Variants in NFATC1 observed in about 807,000 individuals in gnomAD.
NFATC1 encodes the protein nuclear factor of activated T-cells, cytoplasmic 1.
Under a neutral mutation model 76.0 loss-of-function variants are expected in NFATC1, and 22 were observed. The observed-to-expected ratio is 0.29, with a 90% CI of 0.21 to 0.41. NFATC1 has a LOEUF of 0.41. NFATC1 is among the 10% of genes least tolerant of loss of function. NFATC1 has a pLI of 1.00. For synonymous variants in NFATC1, 704 were observed against 613.1 expected (o/e 1.15, Z -2.19); for missense variants, 1,357 against 1,337.7 (o/e 1.01, Z -0.23).
At chr18:79,459,323 C>T (rs1421073758) in intron 6 of NFATC1, among the ~76,000 whole-genome samples, 1 of 152,240 alleles carries the variant, frequency 6.6e-6, no homozygotes, top group African/African-American at 2.4e-5. Flanking sequence ...AAGACGCCTC[C>T]ATGCCGTCGT....
At chr18:79,497,867 C>G (rs1397971698) in intron 9 of NFATC1, 1 of 152,026 alleles carries the variant, frequency 6.6e-6, no homozygotes, top group Non-Finnish European at 1.5e-5. Flanking sequence ...TTAAACTCTG[C>G]TAACCAGAGG....
rs565360853 is a variant in NFATC1, at chr18:79,474,806, G to A, written c.2092+7224G>A. ...GCGAGGGAAGCGTTTTCACACTGTC[G>A]ACGTAAACCTGAGGGAAGCGTGTTC... On this transcript the variant is annotated intron_variant, in intron 8 of 9. Coordinates refer to ENST00000427363, the MANE Select transcript of NFATC1 (RefSeq NM_001278669.2). 2.8e-4 allele frequency among the ~76,000 whole-genome samples: 40 copies of A among 142,084 alleles called. 2 individuals carry two copies. Among genetic ancestry groups the A allele is most frequent in the African/African-American group, 8.5e-4 (32 of 37,576 alleles). The allele number at this position is 142,084 out of a possible 152,430, so 93.2% of individuals were successfully genotyped here. A position where few individuals can be genotyped will look rare whatever the true frequency, so the allele number is the denominator to read the frequency against.
rs753115375 is a variant in NFATC1, at chr18:79,528,172, A to C, written c.*595A>C. The stretch of plus-strand genomic sequence containing the variant: ...TACACAGTGCATTTTAGAATCTTCC[A>C]GTCTGTCATCTCAGCTCTTTTGTAA... On this transcript the variant is annotated 3_prime_UTR_variant, in exon 10 of 10. Coordinates refer to ENST00000427363, the MANE Select transcript of NFATC1 (RefSeq NM_001278669.2). 4 of 380,456 alleles carry C rather than the reference A, an allele frequency of 1.1e-5. No homozygotes were observed. Among genetic ancestry groups the C allele is most frequent in the Non-Finnish European group, 1.9e-5 (4 of 215,236 alleles). The allele number at this position is 380,456 out of a possible 1,614,324, so 23.6% of individuals were successfully genotyped here. A position where few individuals can be genotyped will look rare whatever the true frequency, so the allele number is the denominator to read the frequency against.
At position 79,527,516 on chromosome 18, in the gene NFATC1, C is replaced by A. The variant is rs964538844; in HGVS notation, c.2783-12C>A. ...TTTCTCTAATACTTTCTCAATTTTT[C>A]TTTTCTTACAGTAAATGAAATAATA... On this transcript the variant is annotated splice_polypyrimidine_tract_variant and intron_variant, in intron 9 of 9. Transcript: ENST00000427363. The A allele has an allele frequency of 5.0e-6, 8 of 1,612,208 alleles. No homozygotes were observed. Among genetic ancestry groups the A allele is most frequent in the Admixed American group, 1.7e-5 (1 of 59,920 alleles).
Position 79,411,250 on chromosome 18 carries a change from G to A in NFATC1, c.975G>A (p.Leu325=). The A allele has an allele frequency of 6.2e-7, 1 of 1,603,528 alleles. No individual in the cohort carries two copies. Among genetic ancestry groups the A allele is most frequent in the Non-Finnish European group, 8.5e-7 (1 of 1,179,776 alleles). The change falls in exon 2 of 10, where the codon CTG becomes CTA. Residue 325 remains leucine, a synonymous_variant. Transcript: ENST00000427363. ...AINALTTDSS[L]DLGDGVPVKS... The stretch of plus-strand genomic sequence containing the variant: ...ACGCGCTGACCACCGACAGCAGCCT[G>A]GACCTGGGAGATGGCGTCCCTGTCA...
intron 9 of NFATC1, among the ~76,000 whole-genome samples, chr18:79,525,498 A>G (rs1261914265): frequency 3.2e-5 from 3 of 93,478 alleles, no homozygotes; most frequent in African/African-American, 1.3e-4. Context: ...AGGCCTCCCC[A>G]CGTCCCACCG....
At chr18:79,480,798 G>A (rs1282766002) in intron 8 of NFATC1, among the ~76,000 whole-genome samples, 1 of 152,236 alleles carries the variant, frequency 6.6e-6, no homozygotes, top group Non-Finnish European at 1.5e-5. Flanking sequence ...GTGGGTGAGA[G>A]TTTTTAAAGC....
intron 3 of NFATC1, among the ~76,000 whole-genome samples, chr18:79,442,691 C>T (rs748232887): frequency 5.3e-5 from 8 of 152,164 alleles, no homozygotes; most frequent in Non-Finnish European, 8.8e-5. Context: ...CACGTGCTCA[C>T]GCTGGGTCCC....
chr18:79,512,336 G>A (rs2090274661), intron 9 of NFATC1, among the ~76,000 whole-genome samples: 1 of 152,178 alleles, frequency 6.6e-6, no homozygotes, highest in South Asian at 2.1e-4. Flanking sequence ...CCTGGCACTA[G>A]GACCTCTCCC....
At chr18:79,445,590 T>A (rs571885313) in intron 3 of NFATC1, among the ~76,000 whole-genome samples, 57 of 152,318 alleles carry the variant, frequency 3.7e-4, no homozygotes, top group Non-Finnish European at 4.4e-4. Context: ...TAATCCAGCA[T>A]GGGGGGAATC....
At chr18:79,416,341 C>T (rs961171780) in intron 2 of NFATC1, among the ~76,000 whole-genome samples, 5 of 152,188 alleles carry the variant, frequency 3.3e-5, no homozygotes, top group African/African-American at 4.8e-5. Flanking sequence ...ATTCCTCCTG[C>T]GTTTGAATGC....
intron 2 of NFATC1, among the ~76,000 whole-genome samples, chr18:79,415,838 G>T (rs1460286838): frequency 1.3e-5 from 2 of 152,040 alleles, no homozygotes; most frequent in South Asian, 2.1e-4. Flanking sequence ...GAGGCAGGTG[G>T]ATCAGCTGAG....
chr18:79,498,789 G>A (rs941201121), intron 9 of NFATC1, among the ~76,000 whole-genome samples: 1 of 152,248 alleles, frequency 6.6e-6, no homozygotes, highest in Admixed American at 6.5e-5. Context: ...CAGCTTCTCA[G>A]TACGTGGGAT....
At chr18:79,412,084 GC>G (rs2085711665) in intron 2 of NFATC1, among the ~76,000 whole-genome samples, 1 of 152,244 alleles carries the variant, frequency 6.6e-6, no homozygotes, top group Non-Finnish European at 1.5e-5. Context: ...CCCCAGAGAC[GC>G]CGGCTGTGGC....
intron 9 of NFATC1, 85 bp downstream of exon 9, chr18:79,487,022 G>A (rs1026137785): frequency 7.0e-6 from 10 of 1,423,574 alleles, no homozygotes; most frequent in African/African-American, 1.4e-5. Context: ...TGCTGCGTGT[G>A]TGGCACGTGT....
chr18:79,438,301 C>T (rs1249230182), intron 3 of NFATC1, among the ~76,000 whole-genome samples: 5 of 152,354 alleles, frequency 3.3e-5, no homozygotes, highest in South Asian at 2.1e-4. Context: ...CTCCACTGCT[C>T]GTGGCAGCTA....
At position 79,527,924 on chromosome 18, in the gene NFATC1, T is replaced by C. The variant is rs1477641822; in HGVS notation, c.*347T>C. ...TTCTGGCACCCCTGGGGTTCAATAC[T>C]GGAAGTGCCTTATTTAACCAGACCA... is the stretch of plus-strand genomic sequence containing the variant. On this transcript the variant is annotated 3_prime_UTR_variant, in exon 10 of 10. Coordinates refer to ENST00000427363, the MANE Select transcript of NFATC1 (RefSeq NM_001278669.2). 9.2e-6 allele frequency: 4 copies of C among 436,894 alleles called. No homozygotes were observed. The highest frequency in any genetic ancestry group is 7.9e-5 in the African/African-American group (4 of 50,882). 27.1% of individuals were successfully genotyped at this position (436,894 alleles called of 1,614,324 possible).
chr18:79,415,693 A>G (rs977186299), intron 2 of NFATC1, among the ~76,000 whole-genome samples: 1 of 152,244 alleles, frequency 6.6e-6, no homozygotes, highest in African/African-American at 2.4e-5. Flanking sequence ...AGATAGGCTA[A>G]TAAACAATGT....
rs1462702329 is a variant in NFATC1 at position 79,424,687 on chromosome 18, C to T, written c.1227-8892C>T. 2.7e-5 allele frequency among the ~76,000 whole-genome samples: 4 copies of T among 150,178 alleles called. No homozygotes were observed. The East Asian group carries it at 8.7e-4, about 33-fold the overall frequency. ...TCTCCATCTCTGTCTCTGTCCCTGT[C>T]TCTGTCTCTCTGTGTTTCTCTGTGT... is the stretch of plus-strand genomic sequence containing the variant. On this transcript the variant is annotated intron_variant, in intron 2 of 9. Transcript: ENST00000427363.
Sources: gnomAD v4.1 joint callset for allele counts (sites outside exome capture counted in the v4.1 genomes callset) on GRCh38, gnomAD v4.1.1 for gene constraint, MANE v1.5 for transcripts, NCBI Gene and HGNC (gene_info 2026-07-23, HGNC 2026-07-21) for gene names.